Variants in ALKBH3 observed in about 807,000 individuals in gnomAD.
ALKBH3 encodes alpha-ketoglutarate-dependent dioxygenase alkB homolog 3.
Under a neutral mutation model 43.9 loss-of-function variants are expected in ALKBH3, and 51 were observed. The ratio of observed to expected loss-of-function variants is 1.16; its 90% CI spans 0.93 to 1.47. The LOEUF (loss-of-function observed/expected upper bound fraction) is 1.47, where lower values mean the gene tolerates loss of function less well. ALKBH3 is among the 40% of genes most tolerant of loss of function. The pLI is 0.00. For missense variants in ALKBH3, 361 were observed against 351.9 expected, an observed-to-expected ratio of 1.03 and a Z score of -0.21; for synonymous variants, 102 against 115.2, an observed-to-expected ratio of 0.89 and a Z score of 0.73.
chr11:43,906,719 ATAAG>A (rs1951898414), intron 8 of ALKBH3, among the ~76,000 whole-genome samples: 1 of 152,198 alleles, frequency 6.6e-6, no homozygotes, highest in South Asian at 2.1e-4. Context: ...CAAGTAAATA[ATAAG>A]TAATAAAAAG....
chr11:43,887,177 A>G (rs574070690), intron 5 of ALKBH3, among the ~76,000 whole-genome samples: 1 of 152,376 alleles, frequency 6.6e-6, no homozygotes, highest in Admixed American at 6.5e-5. Flanking sequence ...CAAAAATTTG[A>G]TAATATCTCC....
intron 8 of ALKBH3, among the ~76,000 whole-genome samples, chr11:43,906,409 G>T (rs918965490): frequency 5.9e-5 from 9 of 152,306 alleles, no homozygotes; most frequent in African/African-American, 2.2e-4. Flanking sequence ...TGTAAATTTA[G>T]AAGTTAGATA....
chr11:43,897,364 A>G, intron 7 of ALKBH3: 1 of 698,904 alleles, frequency 1.4e-6, no homozygotes. Flanking sequence ...TGTAAGTTTT[A>G]ATATCCTCTC....
intron 6 of ALKBH3, among the ~76,000 whole-genome samples, chr11:43,890,475 G>A (rs947010033): frequency 6.6e-6 from 1 of 152,118 alleles, no homozygotes. Flanking sequence ...TAAATTTTCT[G>A]TAAAGAGGCA....
At chr11:43,910,512 C>A (rs1270619799) in intron 8 of ALKBH3, 2 of 152,202 alleles carry the variant, frequency 1.3e-5, no homozygotes, top group Non-Finnish European at 2.9e-5. Context: ...GTGGCTTCCA[C>A]CCTGTAATGA....
intron 8 of ALKBH3, among the ~76,000 whole-genome samples, chr11:43,914,751 A>G (rs1253968752): frequency 1.3e-5 from 2 of 152,222 alleles, no homozygotes; most frequent in Non-Finnish European, 2.9e-5. Context: ...CAAATGAGAA[A>G]AGCATTTGCA....
At chr11:43,886,542 T>C (rs1245831175) in intron 4 of ALKBH3, 64 bp from the exon 5 acceptor site, 2 of 1,540,754 alleles carry the variant, frequency 1.3e-6, no homozygotes. Context: ...AGGATAACTC[T>C]TCCACTGGGT....
chr11:43,902,102 A>G (rs1425030738), intron 8 of ALKBH3, among the ~76,000 whole-genome samples: 1 of 152,206 alleles, frequency 6.6e-6, no homozygotes, highest in East Asian at 1.9e-4. Context: ...GTGGGAGGCT[A>G]AGGAAGAGGA....
chr11:43,902,622 G>A (rs1242310989), intron 8 of ALKBH3, among the ~76,000 whole-genome samples: 1 of 152,224 alleles, frequency 6.6e-6, no homozygotes, highest in Non-Finnish European at 1.5e-5. Context: ...TAGAGAGGGA[G>A]TCTCACTCTG....
At chr11:43,892,373 C>A (rs988644551) in intron 7 of ALKBH3, among the ~76,000 whole-genome samples, 1 of 152,170 alleles carries the variant, frequency 6.6e-6, no homozygotes, top group Middle Eastern at 3.2e-3. Flanking sequence ...TATTTCTTCT[C>A]CTAATATCCC....
At chr11:43,893,313 C>T (rs1590369564) in intron 7 of ALKBH3, among the ~76,000 whole-genome samples, 1 of 152,144 alleles carries the variant, frequency 6.6e-6, no homozygotes, top group African/African-American at 2.4e-5. Flanking sequence ...ACCCCTCACC[C>T]AGCTGTGACA....
intron 1 of ALKBH3, 126 bp from the exon 2 acceptor site, chr11:43,882,457 A>G (rs1307939022): frequency 1.9e-5 from 9 of 477,030 alleles, no homozygotes; most frequent in Non-Finnish European, 3.0e-5. Flanking sequence ...TTGTGATGAC[A>G]TAAACTGATT....
At chr11:43,913,154 A>G (rs1046522053) in intron 8 of ALKBH3, among the ~76,000 whole-genome samples, 9 of 151,240 alleles carry the variant, frequency 6.0e-5, no homozygotes, top group Non-Finnish European at 2.9e-5. Flanking sequence ...GTCATGGTAC[A>G]CAAATATACT....
chr11:43,911,623 T>A (rs1166607711), intron 8 of ALKBH3, among the ~76,000 whole-genome samples: 2 of 152,240 alleles, frequency 1.3e-5, no homozygotes, highest in African/African-American at 4.8e-5. Context: ...TGCTCTAACT[T>A]CTTTATTGAA....
At chr11:43,898,928 C>T (rs1951840508) in intron 7 of ALKBH3, 2 of 745,816 alleles carry the variant, frequency 2.7e-6, no homozygotes, top group South Asian at 1.4e-5. Flanking sequence ...GTGGACTGGT[C>T]CCCAAATCTC....
At chr11:43,898,238 A>G (rs1391869668) in intron 7 of ALKBH3, 2 of 875,654 alleles carry the variant, frequency 2.3e-6, no homozygotes, top group Non-Finnish European at 3.8e-6. Flanking sequence ...CAGGAGACCC[A>G]CAAGGGTGAA....
chr11:43,909,014 C>T (rs532783254), intron 8 of ALKBH3, among the ~76,000 whole-genome samples: 34 of 152,340 alleles, frequency 2.2e-4, no homozygotes, highest in African/African-American at 7.7e-4. Flanking sequence ...GCTCACCTTT[C>T]TCATTTGCCT....
rs115931558 is a variant in ALKBH3 at position 43,915,866 on chromosome 11, C to T, written c.670-3172C>T. On this transcript the variant is annotated intron_variant, in intron 8 of 9. Transcript: ENST00000302708. Reference sequence around the variant, plus strand: ...TTCTGTGTACTCTTCCTCAGTCATTCAGTACATATTTATTCATATGTGTGA... The same window carrying T: ...TTCTGTGTACTCTTCCTCAGTCATTTAGTACATATTTATTCATATGTGTGA... Among the ~76,000 whole-genome samples, 1,255 of 152,258 alleles carry T rather than the reference C, an allele frequency of 8.2e-3. 13 individuals carry two copies. Among genetic ancestry groups the T allele is most frequent in the African/African-American group, 0.028 (1,184 of 41,546 alleles).
chr11:43,892,278 T>C, intron 7 of ALKBH3, 149 bp downstream of exon 7: 1 of 655,156 alleles, frequency 1.5e-6, no homozygotes, highest in Non-Finnish European at 2.6e-6. Context: ...GTCTTTGTGC[T>C]TGTCATCCTT....
Sources: gnomAD v4.1 joint callset for allele counts (sites outside exome capture counted in the v4.1 genomes callset) on GRCh38, gnomAD v4.1.1 for gene constraint, MANE v1.5 for transcripts, NCBI Gene and HGNC (gene_info 2026-07-23, HGNC 2026-07-21) for gene names.